Variants in NGLY1 observed in about 807,000 individuals in gnomAD.
The protein encoded by NGLY1 is N-glycanase 1.
NGLY1 carries 68 observed loss-of-function variants against 84.6 expected under a neutral mutation model. The ratio of observed to expected loss-of-function variants is 0.80; its 90% CI spans 0.66 to 0.98. The LOEUF (loss-of-function observed/expected upper bound fraction) is 0.98, where lower values mean the gene tolerates loss of function less well. Among genes scored for constraint, NGLY1 ranks in the 50% least tolerant of loss-of-function variants. The pLI is 0.00. For synonymous variants in NGLY1, 280 were observed against 275.2 expected, an observed-to-expected ratio of 1.02 and a Z score of -0.17; for missense variants, 779 against 770.2, an observed-to-expected ratio of 1.01 and a Z score of -0.14.
Position 25,739,761 on chromosome 3 carries a change from G to C in NGLY1, c.697C>G (p.Leu233Val), listed in dbSNP as rs1706034655. The change falls in exon 5 of 12, where the codon CTT (leucine) becomes GTT (valine). Residue 233 changes from leucine to valine, a missense_variant. Coordinates refer to ENST00000280700, the MANE Select transcript of NGLY1 (RefSeq NM_018297.4). ...AATTCTTCCTTAAACCAGTGCAAAA[G>C]CTCCAGCAAAAGAAAATCCTCATCA... Reference protein sequence around the residue: ...ISDEDFLLLELLHWFKEEFFH... With the variant: ...ISDEDFLLLEVLHWFKEEFFH... 7 of 1,614,028 alleles carry C rather than the reference G, an allele frequency of 4.3e-6. No individual in the cohort carries two copies. In the South Asian group the frequency reaches 4.4e-5, roughly 10 times the overall value.
chr3:25,757,336 TCAC>T (rs1707092216), intron 3 of NGLY1, among the ~76,000 whole-genome samples: 1 of 152,188 alleles, frequency 6.6e-6, no homozygotes, highest in African/African-American at 2.4e-5. Context: ...GCTCCATCAT[TCAC>T]CAACTGTGTG....
chr3:25,756,864 T>C (rs1390492475), intron 3 of NGLY1, among the ~76,000 whole-genome samples: 1 of 152,226 alleles, frequency 6.6e-6, no homozygotes, highest in Non-Finnish European at 1.5e-5. Context: ...GCACTCTGCA[T>C]TGGTTTCCCA....
rs763012057 is a variant in NGLY1 at position 25,735,989 on chromosome 3, T to C, written c.1149+15A>G. The stretch of plus-strand genomic sequence containing the variant: ...TTTTACTTTTGGAAAAAAGTTTTTT[T>C]CTTTTATGCTCTACCTCATCTTTTG... On this transcript the variant is annotated intron_variant, in intron 7 of 11. Transcript: ENST00000280700. 1 of 1,567,944 alleles carries C rather than the reference T, an allele frequency of 6.4e-7. No homozygotes were observed. The highest frequency in any genetic ancestry group is 2.1e-5 in the Admixed American group (1 of 47,974).
intron 3 of NGLY1, chr3:25,755,326 G>T: frequency 7.4e-7 from 1 of 1,351,994 alleles, no homozygotes; most frequent in South Asian, 1.2e-5. Flanking sequence ...TAATTAAAAA[G>T]GGACCTAACC....
chr3:25,776,214 G>A (rs184504905), intron 2 of NGLY1, among the ~76,000 whole-genome samples: 4 of 152,294 alleles, frequency 2.6e-5, no homozygotes, highest in South Asian at 2.1e-4. Flanking sequence ...GCCTGAGACC[G>A]AGGGGTTTTC....
In NGLY1 at chr3:25,790,020, G is replaced by C. The variant is rs1006985493; in HGVS notation, c.-155C>G. ...CAACCGGCGGAAAGAGAGTCGAACGGGACGCGTGCGTGGGAAAGCGCATGA... is the reference window on the plus strand; with the variant it reads ...CAACCGGCGGAAAGAGAGTCGAACGCGACGCGTGCGTGGGAAAGCGCATGA... On this transcript the variant is annotated 5_prime_UTR_variant, in exon 1 of 12. Coordinates refer to the NGLY1 transcript ENST00000417874. The C allele has an allele frequency of 5.6e-6, 5 of 900,366 alleles. No individual in the cohort carries two copies. In the Admixed American group the frequency reaches 8.6e-5, roughly 15 times the overall value. 55.8% of individuals were successfully genotyped at this position (900,366 alleles called of 1,614,324 possible).
At chr3:25,759,335 A>C (rs1707194722) in intron 3 of NGLY1, among the ~76,000 whole-genome samples, 1 of 151,968 alleles carries the variant, frequency 6.6e-6, no homozygotes, top group South Asian at 2.1e-4. Flanking sequence ...AAAAAAAAAG[A>C]AATGTCTCCA....
chr3:25,720,207 A>G lies in NGLY1; in HGVS notation c.1612-16T>C. The G allele has an allele frequency of 6.3e-7, 1 of 1,594,468 alleles. No homozygotes were observed. Among genetic ancestry groups the G allele is most frequent in the Non-Finnish European group, 8.6e-7 (1 of 1,167,698 alleles). On this transcript the variant is annotated splice_polypyrimidine_tract_variant and intron_variant, in intron 10 of 11. Coordinates refer to ENST00000280700, the MANE Select transcript of NGLY1 (RefSeq NM_018297.4). ...CCAAATATACCTATAAGGAGTAGGG[A>G]TGGGGAGAAAGGAACTGTCAGAAAA... is the stretch of plus-strand genomic sequence containing the variant.
intron 10 of NGLY1, among the ~76,000 whole-genome samples, chr3:25,722,699 C>T (rs561126692): frequency 3.9e-5 from 6 of 152,292 alleles, no homozygotes; most frequent in South Asian, 2.1e-4. Context: ...GTTTGGACAA[C>T]GCCACTATAA....
At chr3:25,770,535 T>C (rs990669638) in intron 2 of NGLY1, among the ~76,000 whole-genome samples, 4 of 152,216 alleles carry the variant, frequency 2.6e-5, no homozygotes, top group Non-Finnish European at 4.4e-5. Flanking sequence ...AACATGCGTG[T>C]GCAAGTATCT....
chr3:25,754,976 G>A (rs1375893617), intron 3 of NGLY1: 5 of 780,650 alleles, frequency 6.4e-6, no homozygotes, highest in Admixed American at 1.7e-5. Flanking sequence ...GGATGCCTTG[G>A]TGATGGCACA....
At chr3:25,747,169 C>G (rs574179265) in intron 4 of NGLY1, among the ~76,000 whole-genome samples, 1 of 152,294 alleles carries the variant, frequency 6.6e-6, no homozygotes, top group South Asian at 2.1e-4. Flanking sequence ...CTTCTTAAGG[C>G]AAGGCTATAT....
rs1396856541 is a variant in NGLY1, at chr3:25,763,076, G to A, written c.492+990C>T. On this transcript the variant is annotated intron_variant, in intron 3 of 11. Coordinates refer to ENST00000280700, the MANE Select transcript of NGLY1 (RefSeq NM_018297.4). ...GGAGGCAGAGGTTGCAGTGAGCCAA[G>A]ATTTTGCCACTGTACTACAGCCTGG... Among the ~76,000 whole-genome samples the A allele has an allele frequency of 2.0e-5, 3 of 152,130 alleles. No individual in the cohort carries two copies. In the East Asian group the frequency reaches 5.8e-4, roughly 29 times the overall value.
intron 11 of NGLY1, 50 bp downstream of exon 11, chr3:25,719,964 C>A: frequency 6.7e-7 from 1 of 1,484,770 alleles, no homozygotes; most frequent in East Asian, 2.3e-5. Flanking sequence ...AATTAGTCTT[C>A]AGAGTGGTAA....
chr3:25,775,407 A>T lies in NGLY1; in HGVS notation c.246+3167T>A, dbSNP rs140422486. On this transcript the variant is annotated intron_variant, in intron 2 of 11. Coordinates refer to ENST00000280700, the MANE Select transcript of NGLY1 (RefSeq NM_018297.4). ...AACCTAATTGTCCATCAATAGATGA[A>T]TGGATAAAGAATATGTGGTATCTAT... Among the ~76,000 whole-genome samples, 1,389 of 152,374 alleles carry T rather than the reference A, an allele frequency of 9.1e-3. 9 individuals carry two copies. Among genetic ancestry groups the T allele is most frequent in the Non-Finnish European group, 0.014 (933 of 68,038 alleles).
intron 3 of NGLY1, among the ~76,000 whole-genome samples, chr3:25,762,728 G>T (rs1464687555): frequency 6.6e-6 from 1 of 152,176 alleles, no homozygotes; most frequent in Non-Finnish European, 1.5e-5. Flanking sequence ...AAGGCAGGTG[G>T]ATCACTTGAG....
At chr3:25,754,340 A>G (rs1706919834) in intron 3 of NGLY1, among the ~76,000 whole-genome samples, 1 of 152,204 alleles carries the variant, frequency 6.6e-6, no homozygotes, top group Admixed American at 6.5e-5. Context: ...AGGGAAGGAA[A>G]AGACCATTCC....
intron 1 of NGLY1, among the ~76,000 whole-genome samples, chr3:25,789,004 C>A (rs1188972018): frequency 6.6e-6 from 1 of 152,170 alleles, no homozygotes; most frequent in Non-Finnish European, 1.5e-5. Flanking sequence ...CCAGAAAAAA[C>A]CATAAATATG....
chr3:25,734,957 T>C (rs1161521624), intron 7 of NGLY1: 2 of 568,984 alleles, frequency 3.5e-6, no homozygotes, highest in African/African-American at 1.9e-5. Flanking sequence ...TTGATACAAG[T>C]GGAAAGACAA....
Sources: gnomAD v4.1 joint callset for allele counts (sites outside exome capture counted in the v4.1 genomes callset) on GRCh38, gnomAD v4.1.1 for gene constraint, MANE v1.5 for transcripts, NCBI Gene and HGNC (gene_info 2026-07-23, HGNC 2026-07-21) for gene names.